The following FBXO41 variants were observed in gnomAD, a reference collection of about 807,000 sequenced individuals.
FBXO41 encodes F-box only protein 41.
Under a neutral mutation model 81.6 loss-of-function variants are expected in FBXO41, and 33 were observed. The ratio of observed to expected loss-of-function variants is 0.40; its 90% CI spans 0.31 to 0.54. The LOEUF is 0.54. FBXO41 is among the 20% of genes least tolerant of loss of function. The pLI is 0.39. For synonymous variants in FBXO41, 576 were observed against 552.7 expected, an observed-to-expected ratio of 1.04 and a Z score of -0.59; for missense variants, 1,107 against 1,236.0, an observed-to-expected ratio of 0.90 and a Z score of 1.56.
In FBXO41 at chr2:73,269,237, A is replaced by C; in HGVS notation, c.394T>G (p.Leu132Val). The C allele has an allele frequency of 6.5e-7, 1 of 1,528,166 alleles. No individual in the cohort carries two copies. The allele number at this position is 1,528,166 out of a possible 1,614,324, so 94.7% of individuals were successfully genotyped here. A position where few individuals can be genotyped will look rare whatever the true frequency, so the allele number is the denominator to read the frequency against. Residue 132 changes from leucine to valine, a missense_variant, in exon 2 of 13, where the codon TTG (leucine) becomes GTG (valine). Physicochemically the swap from Leu to Val is conservative, Grantham distance 32. Coordinates refer to ENST00000520530, the MANE Select transcript of FBXO41 (RefSeq NM_001371389.2). This position sits in a 1 kb window ranked among gnomAD's most constrained non-coding sequence, Gnocchi z 7.0. ...LVPASLPCEE[L>V]AEPGLVPAAA... Reference sequence around the variant, plus strand: ...GCGGGCACAAGGCCCGGCTCGGCCAACTCCTCACAGGGCAGGCTAGCGGGC... The same window carrying C: ...GCGGGCACAAGGCCCGGCTCGGCCACCTCCTCACAGGGCAGGCTAGCGGGC...
Position 73,269,758 on chromosome 2 carries a change from G to T in FBXO41, c.-128C>A. On this transcript the variant is annotated 5_prime_UTR_variant, in exon 2 of 13. Coordinates refer to ENST00000520530, the MANE Select transcript of FBXO41 (RefSeq NM_001371389.2). The surrounding 1 kb of genome is among the most constrained non-coding windows in gnomAD (Gnocchi z 7.0). ...GAAGGCTCAGGGCGCCCGCGGCCTG[G>T]GGCGAGGAGGCTGGAAGAGACGCGA... 1 of 471,558 alleles carries T rather than the reference G, an allele frequency of 2.1e-6. No homozygotes were observed. Among genetic ancestry groups the T allele is most frequent in the Non-Finnish European group, 3.0e-6 (1 of 337,394 alleles). The allele number at this position is 471,558 out of a possible 1,614,324, so 29.2% of individuals were successfully genotyped here.
chr2:73,265,552 G>A lies in FBXO41; in HGVS notation c.1294C>T (p.Pro432Ser). Residue 432 changes from proline (P) to serine (S), a missense_variant, in exon 5 of 13, where the codon CCT (proline) becomes TCT (serine). Pro to Ser is a moderately conservative substitution (Grantham distance 74). This residue lies in a region of FBXO41 where 771 missense variants were observed against 789.2 expected (regional missense o/e 0.98). Transcript: ENST00000520530. ...AAGCCCCCAGGGCCACTGTCCTCAG[G>A]GGCCCCCTCCTCTGGCCTGGGCAGC... ...LELPRPEEGAPEDSGPGGLGT... is the reference protein window; with the variant it reads ...LELPRPEEGASEDSGPGGLGT... 6.3e-7 allele frequency: 1 copy of A among 1,585,002 alleles called. No homozygotes were observed. Among genetic ancestry groups the A allele is most frequent in the Non-Finnish European group, 8.6e-7 (1 of 1,166,906 alleles).
Position 73,260,268 on chromosome 2 carries a change from C to T in FBXO41, c.2449+121G>A. 7.4e-7 allele frequency: 1 copy of T among 1,346,610 alleles called. No homozygotes were observed. Among genetic ancestry groups the T allele is most frequent in the South Asian group, 1.4e-5 (1 of 70,608 alleles). 83.4% of individuals were successfully genotyped at this position (1,346,610 alleles called of 1,614,324 possible). ...GAACCAGTGCTCTTAACCTGTCCCCCTGCCTCTGCCCTTGGCTGGAGACTC... is the reference window on the plus strand; with the variant it reads ...GAACCAGTGCTCTTAACCTGTCCCCTTGCCTCTGCCCTTGGCTGGAGACTC... On this transcript the variant is annotated intron_variant, in intron 11 of 12. Coordinates refer to ENST00000520530, the MANE Select transcript of FBXO41 (RefSeq NM_001371389.2). The surrounding 1 kb of genome is among the most constrained non-coding windows in gnomAD (Gnocchi z 5.0).
At chr2:73,280,478 A>G (rs1688815161) in intron 1 of FBXO41, among the ~76,000 whole-genome samples, 1 of 152,204 alleles carries the variant, frequency 6.6e-6, no homozygotes, top group Admixed American at 6.5e-5. Flanking sequence ...CTGGAATCTA[A>G]CCATCCCTGA....
chr2:73,268,201 T>C (rs1688336501), intron 2 of FBXO41, among the ~76,000 whole-genome samples: 1 of 151,700 alleles, frequency 6.6e-6, no homozygotes, highest in South Asian at 2.1e-4. Context: ...CTGGTAGAGG[T>C]GGAAACCCGA....
intron 1 of FBXO41, among the ~76,000 whole-genome samples, chr2:73,280,484 C>A (rs956616273): frequency 6.6e-6 from 1 of 152,238 alleles, no homozygotes; most frequent in Non-Finnish European, 1.5e-5. Flanking sequence ...TCTAACCATC[C>A]CTGAGCTCCG....
rs1010117881 is a variant in FBXO41 at position 73,266,273 on chromosome 2, G to T, written c.1131+184C>A. On this transcript the variant is annotated intron_variant, in intron 3 of 12. Coordinates refer to ENST00000520530, the MANE Select transcript of FBXO41 (RefSeq NM_001371389.2). This position sits in a 1 kb window ranked among gnomAD's most constrained non-coding sequence, Gnocchi z 5.3. ...CCGAATCACATCTCACTACAGCCTCGGGGGCTGGCACTGGCACTCCTGCCC... is the reference window on the plus strand; with the variant it reads ...CCGAATCACATCTCACTACAGCCTCTGGGGCTGGCACTGGCACTCCTGCCC... Among the ~76,000 whole-genome samples the T allele has an allele frequency of 6.6e-6, 1 of 152,120 alleles. No individual in the cohort carries two copies. The highest frequency in any genetic ancestry group is 2.4e-5 in the African/African-American group (1 of 41,420).
rs1400905263 is a variant in FBXO41 at position 73,260,412 on chromosome 2, G to A, written c.2426C>T (p.Pro809Leu). Residue 809 changes from proline (P) to leucine (L), a missense_variant, in exon 11 of 13, where the codon CCT (proline) becomes CTT (leucine). Physicochemically the swap from Pro to Leu is moderately conservative, Grantham distance 98. This residue lies in a region of FBXO41 where 336 missense variants were observed against 446.7 expected (regional missense o/e 0.75). Transcript: ENST00000520530. The surrounding 1 kb of genome is among the most constrained non-coding windows in gnomAD (Gnocchi z 5.0). ...MLVLTATPVT[P>L]KALLHFNSIC... The stretch of plus-strand genomic sequence containing the variant: ...ACTGTTGAAGTGCAGTAGGGCCTTA[G>A]GGGTGACGGGAGTCGCCGTGAGCAC... The A allele has an allele frequency of 9.9e-6, 16 of 1,612,598 alleles. No individual in the cohort carries two copies. The highest frequency in any genetic ancestry group is 1.3e-5 in the African/African-American group (1 of 75,010).
In FBXO41 at chr2:73,259,956, G is replaced by C. The variant is rs1687947750; in HGVS notation, c.2449+433C>G. 6.6e-6 allele frequency among the ~76,000 whole-genome samples: 1 copy of C among 152,152 alleles called. No individual in the cohort carries two copies. Among genetic ancestry groups the C allele is most frequent in the African/African-American group, 2.4e-5 (1 of 41,430 alleles). ...CAGGAGCAGCCCACACTGGGTGCCA[G>C]GTCCTCAGTGCAGGTGGAGTAGTGA... On this transcript the variant is annotated intron_variant, in intron 11 of 12. Coordinates refer to ENST00000520530, the MANE Select transcript of FBXO41 (RefSeq NM_001371389.2). The surrounding 1 kb of genome is among the most constrained non-coding windows in gnomAD (Gnocchi z 4.2).
At chr2:73,264,937 A>C (rs1004063231) in intron 5 of FBXO41, among the ~76,000 whole-genome samples, 1 of 151,982 alleles carries the variant, frequency 6.6e-6, no homozygotes, top group African/African-American at 2.4e-5. Flanking sequence ...CAAACCACCC[A>C]CATATGTGTG....
At position 73,260,546 on chromosome 2, in the gene FBXO41, C is replaced by T. The variant is rs568400647; in HGVS notation, c.2292G>A (p.Ala764=). The stretch of plus-strand genomic sequence containing the variant: ...GGACCTGCAGCCGCATGCAGTTTCT[C>T]GCTAGGAAGAGGAAGAAGGGGGATC... ...GCGVQGLASL[A]RNCMRLQVLE... The change falls in exon 11 of 13, where the codon GCG becomes GCA. Residue 764 remains alanine, a splice_region_variant and synonymous_variant. Transcript: ENST00000520530. The surrounding 1 kb of genome is among the most constrained non-coding windows in gnomAD (Gnocchi z 5.0). 4.5e-5 allele frequency: 71 copies of T among 1,588,210 alleles called. No individual in the cohort carries two copies. The highest frequency in any genetic ancestry group is 5.4e-5 in the Non-Finnish European group (63 of 1,167,584).
chr2:73,272,356 T>C (rs756735729), intron 1 of FBXO41: 2 of 152,252 alleles, frequency 1.3e-5, no homozygotes, highest in South Asian at 2.1e-4. Flanking sequence ...CCTTTCTGCC[T>C]GCAGCCAGTA....
chr2:73,269,661 C>A lies in FBXO41; in HGVS notation c.-31G>T. On this transcript the variant is annotated 5_prime_UTR_variant, in exon 2 of 13. Coordinates refer to ENST00000520530, the MANE Select transcript of FBXO41 (RefSeq NM_001371389.2). This position sits in a 1 kb window ranked among gnomAD's most constrained non-coding sequence, Gnocchi z 7.0. The stretch of plus-strand genomic sequence containing the variant: ...CGCCGCCCCCGCGGCACGCGGGCTC[C>A]ACCGCGGCCGCCCCGCCGGTCAGCC... 8.7e-7 allele frequency: 1 copy of A among 1,153,546 alleles called. No individual in the cohort carries two copies. Among genetic ancestry groups the A allele is most frequent in the Admixed American group, 4.8e-5 (1 of 20,632 alleles). The allele number at this position is 1,153,546 out of a possible 1,614,324, so 71.5% of individuals were successfully genotyped here. A position where few individuals can be genotyped will look rare whatever the true frequency, so the allele number is the denominator to read the frequency against.
chr2:73,260,364 T>C lies in FBXO41; in HGVS notation c.2449+25A>G, dbSNP rs756926723. The C allele has an allele frequency of 5.6e-6, 9 of 1,607,980 alleles. No individual in the cohort carries two copies. The highest frequency in any genetic ancestry group is 6.8e-6 in the Non-Finnish European group (8 of 1,176,416). On this transcript the variant is annotated intron_variant, in intron 11 of 12. Coordinates refer to ENST00000520530, the MANE Select transcript of FBXO41 (RefSeq NM_001371389.2). The surrounding 1 kb of genome is among the most constrained non-coding windows in gnomAD (Gnocchi z 5.0). ...CCCGTGGCAGGTGATAGTCGTACCC[T>C]GCCCCTCATTCCCCCAGTGCTCACT...
At chr2:73,268,586 C>A in intron 2 of FBXO41, 140 bp downstream of exon 2, 3 of 795,306 alleles carry the variant, frequency 3.8e-6, no homozygotes, top group Non-Finnish European at 5.8e-6. Flanking sequence ...CTTGGCCCCA[C>A]ATGCATGCTC....
chr2:73,255,740 A>C lies in FBXO41; in HGVS notation c.*3242T>G, dbSNP rs1687786720. The stretch of plus-strand genomic sequence containing the variant: ...AAAGATAAGAGACCAGGAGTGGGGA[A>C]ATAGGCAGGACCCAAAGGCAAGGGA... On this transcript the variant is annotated 3_prime_UTR_variant, in exon 13 of 13. Transcript: ENST00000520530. 6.6e-6 allele frequency: 1 copy of C among 152,660 alleles called. No homozygotes were observed. Among genetic ancestry groups the C allele is most frequent in the Non-Finnish European group, 1.5e-5 (1 of 68,066 alleles). The allele number at this position is 152,660 out of a possible 1,614,324, so 9.5% of individuals were successfully genotyped here. A position where few individuals can be genotyped will look rare whatever the true frequency, so the allele number is the denominator to read the frequency against.
chr2:73,269,355 C>T lies in FBXO41; in HGVS notation c.276G>A (p.Lys92=), dbSNP rs1393220759. Residue 92 remains lysine (K), a synonymous_variant, in exon 2 of 13, where the codon AAG becomes AAA. Coordinates refer to ENST00000520530, the MANE Select transcript of FBXO41 (RefSeq NM_001371389.2). This position sits in a 1 kb window ranked among gnomAD's most constrained non-coding sequence, Gnocchi z 7.0. ...EVFESTSFQG[K]EQAAGPSPAA... ...CGGGCGACGGCCCGGCCGCCTGCTC[C>T]TTGCCCTGGAAGGAAGTGCTCTCGA... 7 of 1,512,846 alleles carry T rather than the reference C, an allele frequency of 4.6e-6. No individual in the cohort carries two copies. Among genetic ancestry groups the T allele is most frequent in the Non-Finnish European group, 6.2e-6 (7 of 1,132,598 alleles). The allele number at this position is 1,512,846 out of a possible 1,614,324, so 93.7% of individuals were successfully genotyped here.
chr2:73,276,588 G>GAGAA (rs1306780220), intron 1 of FBXO41, among the ~76,000 whole-genome samples: 2 of 131,812 alleles, frequency 1.5e-5, no homozygotes, highest in African/African-American at 6.8e-5. Flanking sequence ...GAGAGAGAGA[G>GAGAA]AGAGAGAGAG....
rs1355594100 is a variant in FBXO41, at chr2:73,259,628, G to C, written c.2450-332C>G. On this transcript the variant is annotated intron_variant, in intron 11 of 12. Transcript: ENST00000520530. This position sits in a 1 kb window ranked among gnomAD's most constrained non-coding sequence, Gnocchi z 4.2. ...TGGCAAGGAACAGAGTGGCTGAGGT[G>C]GGGCTCGTGGATCCAGGCTGAAGCA... is the stretch of plus-strand genomic sequence containing the variant. Among the ~76,000 whole-genome samples the C allele has an allele frequency of 1.3e-5, 2 of 152,146 alleles. No individual in the cohort carries two copies. Among genetic ancestry groups the C allele is most frequent in the African/African-American group, 4.8e-5 (2 of 41,434 alleles).
Sources: allele counts gnomAD v4.1 joint callset (sites outside exome capture counted in the v4.1 genomes callset), GRCh38; gene constraint gnomAD v4.1.1; regional missense constraint gnomAD v4.1.1; non-coding constraint Gnocchi (gnomAD v3.1); transcripts MANE v1.5; gene names NCBI Gene and HGNC (gene_info 2026-07-23, HGNC 2026-07-21).